The following METTL21A variants were observed in gnomAD, a reference collection of about 807,000 sequenced individuals.
METTL21A encodes the protein methyltransferase 21A, HSPA lysine, also known as protein N-lysine methyltransferase METTL21A.
A neutral mutation model predicts 20.9 loss-of-function variants in METTL21A; 22 were observed. The ratio of observed to expected loss-of-function variants is 1.05; its 90% CI spans 0.75 to 1.50. The LOEUF (loss-of-function observed/expected upper bound fraction) is 1.50, where lower values mean the gene tolerates loss of function less well. Ranked by LOEUF, METTL21A falls within the 40% of genes most tolerant of loss-of-function variation. METTL21A has a pLI of 0.00. For missense variants in METTL21A, 271 were observed against 266.8 expected, an observed-to-expected ratio of 1.02 and a Z score of -0.11; for synonymous variants, 93 against 102.0, an observed-to-expected ratio of 0.91 and a Z score of 0.53.
exon 3 of METTL21A, chr2:207,621,849 C>T (rs2090514975): frequency 6.2e-7 from 1 of 1,614,234 alleles, no homozygotes; most frequent in African/African-American, 1.3e-5. Context: ...TGCCAGCACC[C>T]AGCTCCACGG....
chr2:207,615,121 G>A (rs950571198), intron 3 of METTL21A, among the ~76,000 whole-genome samples: 1 of 152,188 alleles, frequency 6.6e-6, no homozygotes, highest in African/African-American at 2.4e-5. Context: ...TTCGTTGCTA[G>A]ACAGTGTGTT....
chr2:207,596,868 T>C (rs1422172655), intron 3 of METTL21A: 4 of 1,576,762 alleles, frequency 2.5e-6, no homozygotes, highest in African/African-American at 1.4e-5. Flanking sequence ...AAAATAAATA[T>C]GTGGAAATCA....
chr2:207,612,923 C>T, exon 4 of METTL21A: 2 of 999,422 alleles, frequency 2.0e-6, no homozygotes, highest in South Asian at 1.8e-5. Flanking sequence ...TGTGCTTTCT[C>T]CCCTGAGAAC....
rs752823876 is a variant in METTL21A, at chr2:207,601,337, T to G, written c.260-19177A>C. The G allele has an allele frequency of 2.6e-4, 48 of 186,274 alleles. 1 individual carries two copies. In the Middle Eastern group the frequency reaches 7.7e-3, roughly 30 times the overall value. The allele number at this position is 186,274 out of a possible 1,614,324, so 11.5% of individuals were successfully genotyped here. On this transcript the variant is annotated intron_variant, in intron 3 of 3. Coordinates refer to the METTL21A transcript ENST00000425132. The stretch of plus-strand genomic sequence containing the variant: ...GTAATTCTCAACTTTTTAGTCTTTC[T>G]CCTCTCTTCAAATCATGTGACTTTT...
chr2:207,603,371 CATA>C (rs1412155544), intron 3 of METTL21A: 2 of 224,646 alleles, frequency 8.9e-6, no homozygotes, highest in South Asian at 1.8e-4. Context: ...TATCAACTGT[CATA>C]ATGCTCTTTT....
rs140720493 is a variant in METTL21A, at chr2:207,622,015, G to A, written c.148-98C>T. 3.6e-4 allele frequency: 354 copies of A among 993,014 alleles called. 1 individual carries two copies. The African/African-American group carries it at 5.0e-3, about 14-fold the overall frequency. 61.5% of individuals were successfully genotyped at this position (993,014 alleles called of 1,614,324 possible). ...TACACCCACCCCTCTCCCACTTCGA[G>A]GTTCAATTCCCAGCTTAACAACACA... On this transcript the variant is annotated intron_variant, in intron 2 of 3. Coordinates refer to ENST00000406927, the Ensembl canonical transcript of METTL21A.
intron 3 of METTL21A, among the ~76,000 whole-genome samples, chr2:207,591,096 A>T (rs868347740): frequency 6.6e-6 from 1 of 152,198 alleles, no homozygotes; most frequent in African/African-American, 2.4e-5. Flanking sequence ...ATCAAGTATC[A>T]TATCAATGTC....
Position 207,624,438 on chromosome 2 carries a change from G to A in METTL21A, c.-29-34C>T, listed in dbSNP as rs1156673576. ...CAAAAGAATCCTGGGTGACGCTCTG[G>A]CCAAAAGATACATTATCTGTTCTTA... On this transcript the variant is annotated intron_variant, in intron 1 of 3. Transcript: ENST00000406927. The A allele has an allele frequency of 2.3e-5, 35 of 1,536,764 alleles. No homozygotes were observed. The East Asian group carries it at 6.6e-4, about 29-fold the overall frequency.
intron 3 of METTL21A, among the ~76,000 whole-genome samples, chr2:207,616,354 C>T (rs1183020120): frequency 1.3e-5 from 2 of 152,244 alleles, no homozygotes; most frequent in Non-Finnish European, 2.9e-5. Context: ...TTCTCTAATG[C>T]CTGTCCCAGG....
chr2:207,617,271 GAC>G (rs2089899645), intron 3 of METTL21A, among the ~76,000 whole-genome samples: 2 of 152,346 alleles, frequency 1.3e-5, no homozygotes, highest in Non-Finnish European at 2.9e-5. Context: ...ATGTGGGAGA[GAC>G]ACATAAACAC....
intron 3 of METTL21A, among the ~76,000 whole-genome samples, chr2:207,588,248 T>G (rs1277735532): frequency 6.6e-6 from 1 of 152,236 alleles, no homozygotes; most frequent in Non-Finnish European, 1.5e-5. Flanking sequence ...GAGATCCATT[T>G]TTTTATATAG....
Position 207,581,764 on chromosome 2 carries a change from A to G in METTL21A, c.*383T>C, listed in dbSNP as rs931665780. The G allele has an allele frequency of 4.4e-6, 3 of 680,546 alleles. No individual in the cohort carries two copies. In the East Asian group the frequency reaches 8.1e-5, roughly 18 times the overall value. The allele number at this position is 680,546 out of a possible 1,614,324, so 42.2% of individuals were successfully genotyped here. On this transcript the variant is annotated 3_prime_UTR_variant, in exon 4 of 4. Transcript: ENST00000425132. ...GGTATAATACCATTAACTGAATTATACATTTTATTTCCCCAGTTTTTTTAC... is the reference window on the plus strand; with the variant it reads ...GGTATAATACCATTAACTGAATTATGCATTTTATTTCCCCAGTTTTTTTAC...
intron 3 of METTL21A, chr2:207,600,238 CAT>C (rs71036937): frequency 0.43 from 62,720 of 145,368 alleles, 12,645 homozygotes; most frequent in African/African-American, 0.45. Flanking sequence ...TATATGTGTA[CAT>C]ATATATATAT....
In METTL21A at chr2:207,582,193, C is replaced by A; in HGVS notation, c.260-33G>T. 3 of 702,772 alleles carry A rather than the reference C, an allele frequency of 4.3e-6. No individual in the cohort carries two copies. The South Asian group carries it at 4.4e-5, about 10-fold the overall frequency. 43.5% of individuals were successfully genotyped at this position (702,772 alleles called of 1,614,324 possible). On this transcript the variant is annotated intron_variant, in intron 3 of 3. Coordinates refer to the METTL21A transcript ENST00000425132. ...GGAGAATATGAAAGAAATTTGTGGT[C>A]ATATGTTAAAACCACCACAGTAATT...
rs540758584 is a variant in METTL21A, at chr2:207,619,748, A to G, written c.259+2058T>C. On this transcript the variant is annotated intron_variant, in intron 3 of 3. Coordinates refer to ENST00000406927, the Ensembl canonical transcript of METTL21A. ...ATCTTATTCTGACTTTCCCAACCCC[A>G]GAGAACCAGATTGCTAGATCAGAAA... Among the ~76,000 whole-genome samples, 17 of 143,946 alleles carry G rather than the reference A, an allele frequency of 1.2e-4. No homozygotes were observed. The South Asian group carries it at 3.3e-3, about 28-fold the overall frequency. 94.4% of individuals were successfully genotyped at this position (143,946 alleles called of 152,430 possible).
intron 3 of METTL21A, chr2:207,601,729 C>A (rs56129159): frequency 0.01 from 2,163 of 214,502 alleles, 16 homozygotes; most frequent in Non-Finnish European, 0.015. Context: ...TTGTTAACAT[C>A]AAAGAAATGC....
chr2:207,625,924 A>G (rs543429405), upstream of METTL21A: 1 of 152,278 alleles, frequency 6.6e-6, no homozygotes, highest in Non-Finnish European at 1.5e-5. Context: ...CAACTAAAGC[A>G]CAGTGGGGGA....
At chr2:207,587,457 C>G (rs2084087454) in intron 3 of METTL21A, among the ~76,000 whole-genome samples, 1 of 151,278 alleles carries the variant, frequency 6.6e-6, no homozygotes. Flanking sequence ...TATGATCTAG[C>G]AATCCTACTA....
At chr2:207,593,779 C>T (rs989098378) in intron 3 of METTL21A, among the ~76,000 whole-genome samples, 12 of 145,772 alleles carry the variant, frequency 8.2e-5, no homozygotes, top group Admixed American at 7.7e-4. Flanking sequence ...AGTGCAGTGG[C>T]GCTATCTTGG....
Sources: gnomAD v4.1 joint callset for allele counts (sites outside exome capture counted in the v4.1 genomes callset) on GRCh38, gnomAD v4.1.1 for gene constraint, MANE v1.5 for transcripts, NCBI Gene and HGNC (gene_info 2026-07-23, HGNC 2026-07-21) for gene names.